ASIC2: variants seen among roughly 807,000 people sequenced by gnomAD.
ASIC2 encodes the protein acid sensing ion channel subunit 2, also known as acid-sensing ion channel 2.
Under a neutral mutation model 57.3 loss-of-function variants are expected in ASIC2, and 25 were observed. The ratio of observed to expected loss-of-function variants is 0.44; its 90% CI spans 0.32 to 0.61. ASIC2 has a LOEUF of 0.61. Among genes scored for constraint, ASIC2 ranks in the 20% least tolerant of loss-of-function variants. The pLI, the probability that ASIC2 is intolerant of heterozygous loss-of-function variation, is 0.06. For missense variants in ASIC2, 641 were observed against 738.1 expected (o/e 0.87, Z 1.52); for synonymous variants, 319 against 307.5 (o/e 1.04, Z -0.39).
At chr17:34,025,894 A>AT (rs1272197828) in intron 1 of ASIC2, among the ~76,000 whole-genome samples, 2 of 152,248 alleles carry the variant, frequency 1.3e-5, no homozygotes, top group Non-Finnish European at 2.9e-5. Context: ...TGATTATAAA[A>AT]TGCTGATGCT....
In ASIC2 at chr17:33,974,287, C is replaced by T. The variant is rs187868084; in HGVS notation, c.555+181691G>A. Among the ~76,000 whole-genome samples the T allele has an allele frequency of 2.2e-3, 333 of 152,248 alleles. 2 individuals carry two copies. The highest frequency in any genetic ancestry group is 0.017 in the Middle Eastern group (5 of 294). On this transcript the variant is annotated intron_variant, in intron 1 of 9. Transcript: ENST00000359872. ...AATTCCCAAGTCTCAGTGTCTTCAGCTACAACGTTAAGGAAGCAGATTTAA... is the reference window on the plus strand; with the variant it reads ...AATTCCCAAGTCTCAGTGTCTTCAGTTACAACGTTAAGGAAGCAGATTTAA...
At chr17:34,039,288 G>A (rs1908008153) in intron 1 of ASIC2, 1 of 1,613,964 alleles carries the variant, frequency 6.2e-7, no homozygotes, top group Non-Finnish European at 8.5e-7. Flanking sequence ...TTTGGGAGCT[G>A]CAGGAATGCT....
intron 1 of ASIC2, among the ~76,000 whole-genome samples, chr17:33,931,955 G>C (rs1351584242): frequency 6.6e-6 from 1 of 152,224 alleles, no homozygotes; most frequent in Non-Finnish European, 1.5e-5. Context: ...TCTTAGAACT[G>C]ATTAGATGAG....
At chr17:33,650,825 G>A (rs1264589326) in intron 1 of ASIC2, among the ~76,000 whole-genome samples, 1 of 152,186 alleles carries the variant, frequency 6.6e-6, no homozygotes, top group Admixed American at 6.5e-5. Flanking sequence ...AGTTTAGCAG[G>A]GACTGAGGAG....
intron 1 of ASIC2, among the ~76,000 whole-genome samples, chr17:33,624,432 G>A (rs1265364818): frequency 6.6e-6 from 1 of 152,226 alleles, no homozygotes; most frequent in Non-Finnish European, 1.5e-5. Context: ...GGGTGCTCAA[G>A]CGAAAGCAGG....
At chr17:34,023,568 A>G (rs1020358419) in intron 1 of ASIC2, among the ~76,000 whole-genome samples, 1 of 152,110 alleles carries the variant, frequency 6.6e-6, no homozygotes, top group Non-Finnish European at 1.5e-5. Context: ...CCCCTCCCTC[A>G]TGATGGAACT....
At chr17:33,890,640 C>A (rs1291022956) in intron 1 of ASIC2, among the ~76,000 whole-genome samples, 1 of 152,142 alleles carries the variant, frequency 6.6e-6, no homozygotes, top group African/African-American at 2.4e-5. Context: ...ACCGTCCATT[C>A]TATGTAGAGT....
chr17:33,399,860 C>T (rs1219537137), intron 1 of ASIC2, among the ~76,000 whole-genome samples: 1 of 152,194 alleles, frequency 6.6e-6, no homozygotes, highest in African/African-American at 2.4e-5. Flanking sequence ...GCCACCATTC[C>T]ACCCTACATA....
At chr17:33,402,881 T>C (rs1910332585) in intron 1 of ASIC2, among the ~76,000 whole-genome samples, 1 of 152,184 alleles carries the variant, frequency 6.6e-6, no homozygotes. Context: ...CACTGATCAT[T>C]AGAGAAATGC....
At chr17:33,202,527 C>T (rs1224507948) in intron 1 of ASIC2, among the ~76,000 whole-genome samples, 1 of 152,110 alleles carries the variant, frequency 6.6e-6, no homozygotes, top group Admixed American at 6.5e-5. Context: ...CAGCACCTCC[C>T]GTGGGGGTCC....
intron 1 of ASIC2, among the ~76,000 whole-genome samples, chr17:33,712,636 CTTTTTTTT>C (rs60673332): frequency 1.6e-5 from 1 of 63,638 alleles, no homozygotes; most frequent in Non-Finnish European, 2.9e-5. Context: ...ACTCATATGG[CTTTTTTTT>C]TTTTTTTTTT....
chr17:33,692,467 G>A (rs1348755738), intron 1 of ASIC2: 1 of 152,060 alleles, frequency 6.6e-6, no homozygotes, highest in African/African-American at 2.4e-5. Flanking sequence ...TTAACATAAG[G>A]TACTCTGGAC....
chr17:33,578,098 A>G (rs764123338), intron 1 of ASIC2, among the ~76,000 whole-genome samples: 7 of 152,124 alleles, frequency 4.6e-5, no homozygotes, highest in African/African-American at 7.2e-5. Flanking sequence ...TAAACAGCTG[A>G]CTTATAAGAC....
At chr17:33,833,343 T>C (rs1477110924) in intron 1 of ASIC2, among the ~76,000 whole-genome samples, 3 of 152,150 alleles carry the variant, frequency 2.0e-5, no homozygotes, top group South Asian at 2.1e-4. Flanking sequence ...TTAATTACCT[T>C]ACTAATTTAA....
chr17:33,320,614 G>A (rs1183499655), intron 1 of ASIC2, among the ~76,000 whole-genome samples: 2 of 152,178 alleles, frequency 1.3e-5, no homozygotes, highest in South Asian at 2.1e-4. Context: ...ACATCATCTC[G>A]TCGGCTCATT....
intron 1 of ASIC2, among the ~76,000 whole-genome samples, chr17:33,632,686 G>C (rs1906212792): frequency 6.6e-6 from 1 of 152,044 alleles, no homozygotes; most frequent in Non-Finnish European, 1.5e-5. Flanking sequence ...CCTGCCTCAG[G>C]CTCCCAAAGT....
intron 1 of ASIC2, among the ~76,000 whole-genome samples, chr17:33,255,914 C>T (rs1263274548): frequency 1.3e-5 from 2 of 152,104 alleles, no homozygotes; most frequent in East Asian, 3.8e-4. Flanking sequence ...GGACAAAGAA[C>T]ACCAATATAC....
At chr17:33,161,169 G>A (rs1231928004) in intron 1 of ASIC2, among the ~76,000 whole-genome samples, 2 of 152,208 alleles carry the variant, frequency 1.3e-5, no homozygotes, top group East Asian at 1.9e-4. Context: ...CTGAGAAAGG[G>A]TGGGGGAGAT....
At chr17:33,029,377 CTA>C (rs147965294) in intron 3 of ASIC2, among the ~76,000 whole-genome samples, 2,329 of 152,330 alleles carry the variant, frequency 0.015, 44 homozygotes, top group Middle Eastern at 0.065. Flanking sequence ...AAAGCTTACA[CTA>C]TGTGCTCTTT....
Sources: allele counts gnomAD v4.1 joint callset (sites outside exome capture counted in the v4.1 genomes callset), GRCh38; gene constraint gnomAD v4.1.1; transcripts MANE v1.5; gene names NCBI Gene and HGNC (gene_info 2026-07-23, HGNC 2026-07-21).